NLGN1: variants seen among roughly 807,000 people sequenced by gnomAD.
NLGN1 encodes the protein neuroligin-1.
A neutral mutation model predicts 65.5 loss-of-function variants in NLGN1; 12 were observed. The ratio of observed to expected loss-of-function variants is 0.18; its 90% CI spans 0.12 to 0.30. The LOEUF (loss-of-function observed/expected upper bound fraction) is 0.30. Among genes scored for constraint, NLGN1 ranks in the 10% least tolerant of loss-of-function variants. The probability of loss-of-function intolerance (pLI) is 1.00; values close to 1 mark genes in which losing one functional copy is unlikely to be tolerated. For missense variants in NLGN1, 750 were observed against 1,007.1 expected (o/e 0.74, Z 3.46); for synonymous variants, 350 against 359.5 (o/e 0.97, Z 0.30).
intron 2 of NLGN1, among the ~76,000 whole-genome samples, chr3:173,480,038 A>G (rs893974532): frequency 6.6e-6 from 1 of 152,120 alleles, no homozygotes; most frequent in Admixed American, 6.6e-5. Context: ...TTTTGGGCAT[A>G]TATTATTTAA....
intron 3 of NLGN1, among the ~76,000 whole-genome samples, chr3:173,716,637 C>G (rs916488699): frequency 2.0e-5 from 3 of 152,072 alleles, no homozygotes; most frequent in African/African-American, 7.2e-5. Context: ...CAGCGAGACA[C>G]CCAACTCCTG....
At chr3:174,094,633 T>C (rs1159520943) in intron 4 of NLGN1, among the ~76,000 whole-genome samples, 1 of 151,792 alleles carries the variant, frequency 6.6e-6, no homozygotes, top group Non-Finnish European at 1.5e-5. Context: ...CAATAGTATT[T>C]ATTACATATT....
At chr3:173,762,963 G>GACACACACACAC (rs1244141933) in intron 3 of NLGN1, among the ~76,000 whole-genome samples, 5 of 57,388 alleles carry the variant, frequency 8.7e-5, no homozygotes, top group African/African-American at 7.9e-5. Flanking sequence ...ATTTGTCTCT[G>GACACACACACAC]ATACACACAC....
In NLGN1 at chr3:174,264,968, G is replaced by T. The variant is rs532267377; in HGVS notation, c.647-10347G>T. On this transcript the variant is annotated intron_variant, in intron 4 of 6. Coordinates refer to ENST00000457714, the Ensembl canonical transcript of NLGN1. ...TGTGAGGTGTCAGTGTGCCCCTGCT[G>T]GGGGGTGCCTCCCATTTAGGCTGCT... is the stretch of plus-strand genomic sequence containing the variant. 8.5e-5 allele frequency among the ~76,000 whole-genome samples: 13 copies of T among 152,258 alleles called. No homozygotes were observed. The East Asian group carries it at 2.3e-3, about 27-fold the overall frequency.
chr3:173,413,690 CT>C (rs1202126228), intron 1 of NLGN1, among the ~76,000 whole-genome samples: 4 of 152,146 alleles, frequency 2.6e-5, no homozygotes, highest in Non-Finnish European at 5.9e-5. Context: ...ATTTTGTTAA[CT>C]TCCAAAACTC....
At chr3:174,138,694 A>G (rs1721707010) in intron 4 of NLGN1, among the ~76,000 whole-genome samples, 1 of 152,104 alleles carries the variant, frequency 6.6e-6, no homozygotes, top group African/African-American at 2.4e-5. Context: ...TCGGCCTCCC[A>G]AAGTGCTGGG....
At chr3:174,048,264 A>G (rs1734062148) in intron 4 of NLGN1, among the ~76,000 whole-genome samples, 1 of 152,102 alleles carries the variant, frequency 6.6e-6, no homozygotes, top group Non-Finnish European at 1.5e-5. Flanking sequence ...CGTGATGTGT[A>G]ATTTTGGACC....
chr3:173,534,967 T>C (rs765225578), intron 2 of NLGN1, among the ~76,000 whole-genome samples: 11 of 152,184 alleles, frequency 7.2e-5, no homozygotes, highest in Non-Finnish European at 1.6e-4. Flanking sequence ...TGTTATGTTC[T>C]TTGCAAACAC....
chr3:173,564,505 A>G (rs1460093810), intron 2 of NLGN1, among the ~76,000 whole-genome samples: 1 of 152,230 alleles, frequency 6.6e-6, no homozygotes, highest in Non-Finnish European at 1.5e-5. Flanking sequence ...GTGCTACCAT[A>G]TAACTTGCCT....
chr3:173,500,170 A>G (rs538184573), intron 2 of NLGN1, among the ~76,000 whole-genome samples: 1 of 152,302 alleles, frequency 6.6e-6, no homozygotes, highest in Non-Finnish European at 1.5e-5. Flanking sequence ...TCCATTCATT[A>G]TGATACTGGC....
At chr3:173,467,303 A>G (rs1001336818) in intron 2 of NLGN1, among the ~76,000 whole-genome samples, 2 of 152,108 alleles carry the variant, frequency 1.3e-5, no homozygotes, top group African/African-American at 4.8e-5. Flanking sequence ...TGTTATCGAT[A>G]GTAATTTACA....
intron 4 of NLGN1, among the ~76,000 whole-genome samples, chr3:174,193,325 A>G (rs1472885966): frequency 1.3e-5 from 2 of 152,096 alleles, no homozygotes; most frequent in African/African-American, 2.4e-5. Flanking sequence ...TACCTTTTCC[A>G]TATACTCTCT....
At chr3:173,835,562 A>G (rs1723461881) in intron 4 of NLGN1, among the ~76,000 whole-genome samples, 2 of 133,338 alleles carry the variant, frequency 1.5e-5, no homozygotes, top group Non-Finnish European at 3.2e-5. Flanking sequence ...TATATGGATA[A>G]TAATATGTTC....
At chr3:174,196,595 T>C (rs1733466494) in intron 4 of NLGN1, among the ~76,000 whole-genome samples, 1 of 152,214 alleles carries the variant, frequency 6.6e-6, no homozygotes, top group Non-Finnish European at 1.5e-5. Context: ...ATTGGAAATT[T>C]GGTGCGTTCT....
At chr3:173,881,932 A>G (rs571593303) in intron 4 of NLGN1, among the ~76,000 whole-genome samples, 46 of 152,302 alleles carry the variant, frequency 3.0e-4, no homozygotes, top group African/African-American at 1.1e-3. Flanking sequence ...CGTCAGAAGA[A>G]TCACTCTCTA....
chr3:173,893,471 A>G (rs1470113759), intron 4 of NLGN1, among the ~76,000 whole-genome samples: 1 of 152,180 alleles, frequency 6.6e-6, no homozygotes, highest in Non-Finnish European at 1.5e-5. Flanking sequence ...TAATCCAAGT[A>G]AAGAGTTTAA....
intron 3 of NLGN1, among the ~76,000 whole-genome samples, chr3:173,748,793 T>C (rs937857732): frequency 1.3e-5 from 2 of 152,150 alleles, no homozygotes; most frequent in Non-Finnish European, 2.9e-5. Context: ...ATCTGAAAGC[T>C]ACATTTGTAG....
intron 4 of NLGN1, among the ~76,000 whole-genome samples, chr3:173,882,375 G>T (rs557536272): frequency 6.6e-6 from 1 of 152,226 alleles, no homozygotes; most frequent in African/African-American, 2.4e-5. Context: ...ACTGGTCATT[G>T]ACTTCTATTT....
At chr3:174,247,042 G>A (rs1220189387) in intron 4 of NLGN1, among the ~76,000 whole-genome samples, 1 of 152,200 alleles carries the variant, frequency 6.6e-6, no homozygotes, top group African/African-American at 2.4e-5. Context: ...TATAATTGGA[G>A]TATCTCCAAA....
Sources: allele counts gnomAD v4.1 joint callset (sites outside exome capture counted in the v4.1 genomes callset), GRCh38; gene constraint gnomAD v4.1.1; transcripts MANE v1.5; gene names NCBI Gene and HGNC (gene_info 2026-07-23, HGNC 2026-07-21).